The following AR variants were observed in gnomAD, a reference collection of about 807,000 sequenced individuals.
AR encodes the protein dihydrotestosterone receptor.
AR carries 8 observed loss-of-function variants against 53.9 expected under a neutral mutation model. The ratio of observed to expected loss-of-function variants is 0.15; its 90% confidence interval spans 0.09 to 0.27. The LOEUF (loss-of-function observed/expected upper bound fraction) is 0.27. Among genes scored for constraint, AR ranks in the 10% least tolerant of loss-of-function variants. AR has a pLI of 1.00. For synonymous variants in AR, 359 were observed against 316.4 expected, an observed-to-expected ratio of 1.13 and a Z score of -1.43; for missense variants, 639 against 742.5, an observed-to-expected ratio of 0.86 and a Z score of 1.62.
chrX:67,568,583 G>T (rs1446075457), intron 1 of AR, among the ~76,000 whole-genome samples: 1 of 111,599 alleles, frequency 9.0e-6, no homozygotes, highest in Non-Finnish European at 1.9e-5. Flanking sequence ...GTGGGAATAT[G>T]TACCAGCCCC....
intron 1 of AR, among the ~76,000 whole-genome samples, chrX:67,551,997 C>T (rs1402694398): frequency 8.9e-6 from 1 of 111,824 alleles, no homozygotes; most frequent in East Asian, 2.8e-4. Flanking sequence ...TTACTTAGTA[C>T]CTAAGTTTTA....
In AR at chrX:67,546,468, C is replaced by A. The variant is rs1402160048; in HGVS notation, c.1322C>A (p.Ala441Asp). 1 of 1,175,218 alleles carries A rather than the reference C, an allele frequency of 8.5e-7. No individual in the cohort carries two copies. Among genetic ancestry groups the A allele is most frequent in the Admixed American group, 2.4e-5 (1 of 41,620 alleles). ...TCATCCTGGCACACTCTCTTCACAG[C>A]CGAAGAAGGCCAGTTGTATGGACCG... ...ASSSWHTLFT[A>D]EEGQLYGPCG... is the part of the protein sequence containing the mutation. Residue 441 changes from alanine to aspartate, a missense_variant, in exon 1 of 8, where the codon GCC becomes GAC. Around this residue, in one of 5 missense-constraint regions of AR, gnomAD observed 423 missense variants for 377.0 expected, o/e 1.12. Coordinates refer to ENST00000374690, the MANE Select transcript of AR (RefSeq NM_000044.6).
intron 1 of AR, among the ~76,000 whole-genome samples, chrX:67,611,598 G>T (rs1158142824): frequency 1.8e-5 from 2 of 111,359 alleles, no homozygotes; most frequent in Non-Finnish European, 3.8e-5. Flanking sequence ...TGACTTTAGA[G>T]TTTGGAGATC....
chrX:67,622,201 A>G (rs1173461447), intron 1 of AR, among the ~76,000 whole-genome samples: 1 of 112,025 alleles, frequency 8.9e-6, no homozygotes, highest in Non-Finnish European at 1.9e-5. Context: ...TTCTTTAGCA[A>G]TGGATTCCAG....
chrX:67,668,120 G>GT (rs1466976074), intron 2 of AR, among the ~76,000 whole-genome samples: 24 of 111,926 alleles, frequency 2.1e-4, no homozygotes, highest in African/African-American at 7.8e-4. Flanking sequence ...AGTGGGGAAA[G>GT]TTAACATCCT....
rs1174118356 is a variant in AR, at chrX:67,610,094, A to G, written c.1617-33162A>G. On this transcript the variant is annotated intron_variant, in intron 1 of 7. Transcript: ENST00000374690. The stretch of plus-strand genomic sequence containing the variant: ...AATTGGCTGTCCTTGTACTTAGGGC[A>G]CATCTAAAAATCCTGAGGCAACCAC... Among the ~76,000 whole-genome samples the G allele has an allele frequency of 9.0e-5, 10 of 111,486 alleles. No homozygotes were observed. In the Admixed American group the frequency reaches 9.6e-4, roughly 11 times the overall value.
At chrX:67,713,041 C>T (rs1298060834) in intron 4 of AR, among the ~76,000 whole-genome samples, 1 of 111,844 alleles carries the variant, frequency 8.9e-6, no homozygotes, top group Non-Finnish European at 1.9e-5. Flanking sequence ...CAGGTTCTCT[C>T]CTGATTCCAA....
intron 5 of AR, among the ~76,000 whole-genome samples, chrX:67,720,346 C>G (rs1250612893): frequency 9.2e-6 from 1 of 108,560 alleles, no homozygotes; most frequent in African/African-American, 3.4e-5. Context: ...CTTTCCCCTT[C>G]TCTTTCCTCC....
At chrX:67,578,928 A>G (rs899935702) in intron 1 of AR, among the ~76,000 whole-genome samples, 7 of 112,196 alleles carry the variant, frequency 6.2e-5, no homozygotes, top group African/African-American at 2.3e-4. Context: ...ATTTCTTGTA[A>G]TAATAATCTC....
At chrX:67,702,525 A>C (rs1446195003) in intron 3 of AR, among the ~76,000 whole-genome samples, 1 of 112,055 alleles carries the variant, frequency 8.9e-6, no homozygotes, top group African/African-American at 3.2e-5. Flanking sequence ...GTGGCTATGC[A>C]TATCTCCTTA....
Position 67,668,762 on chromosome X carries a change from A to G in AR, c.1769-17248A>G, listed in dbSNP as rs1048411024. Among the ~76,000 whole-genome samples, 15 of 110,846 alleles carry G rather than the reference A, an allele frequency of 1.4e-4. No individual in the cohort carries two copies. The Admixed American group carries it at 1.4e-3, about 10-fold the overall frequency. On this transcript the variant is annotated intron_variant, in intron 2 of 7. Transcript: ENST00000374690. The stretch of plus-strand genomic sequence containing the variant: ...TGTTATTGGTCTGTTCAGGCTTTAG[A>G]TTTTTTTCATGAATCAATCTTCACA...
Position 67,723,810 on chromosome X carries a change from A to C in AR, c.2732A>C (p.Lys911Thr). The C allele has an allele frequency of 8.3e-7, 1 of 1,210,656 alleles. No homozygotes were observed. The highest frequency in any genetic ancestry group is 1.8e-5 in the South Asian group (1 of 56,905). ...SVQVPKILSG[K>T]VKPIYFHTQ The stretch of plus-strand genomic sequence containing the variant: ...CAAGTGCCCAAGATCCTTTCTGGGA[A>C]AGTCAAGCCCATCTATTTCCACACC... Residue 911 changes from lysine to threonine, a missense_variant, in exon 8 of 8, where the codon AAA becomes ACA. By Grantham distance (78) the Lys-to-Thr change is moderately conservative. Coordinates refer to ENST00000374690, the MANE Select transcript of AR (RefSeq NM_000044.6).
At chrX:67,689,781 C>T (rs1374453704) in intron 3 of AR, 11 of 774,460 alleles carry the variant, frequency 1.4e-5, no homozygotes, top group Non-Finnish European at 1.7e-5. Flanking sequence ...AAAAAAAGTC[C>T]AAATGAGGAC....
rs753426757 is a variant in AR at position 67,683,905 on chromosome X, A to G, written c.1769-2105A>G. Among the ~76,000 whole-genome samples the G allele has an allele frequency of 2.7e-5, 3 of 111,209 alleles. No homozygotes were observed. In the South Asian group the frequency reaches 1.1e-3, roughly 42 times the overall value. On this transcript the variant is annotated intron_variant, in intron 2 of 7. Transcript: ENST00000374690. Reference sequence around the variant, plus strand: ...AAAAAAAAAATCATGCTTTTCCGCTATAACCTCTCTCATTCACAGAGTGAT... The same window carrying G: ...AAAAAAAAAATCATGCTTTTCCGCTGTAACCTCTCTCATTCACAGAGTGAT...
intron 2 of AR, among the ~76,000 whole-genome samples, chrX:67,681,214 G>T (rs953949229): frequency 9.0e-6 from 1 of 111,183 alleles, no homozygotes; most frequent in South Asian, 3.8e-4. Context: ...CAAACAACTG[G>T]GTATAATGTT....
At chrX:67,608,614 G>C (rs751971836) in intron 1 of AR, among the ~76,000 whole-genome samples, 14 of 111,888 alleles carry the variant, frequency 1.3e-4, no homozygotes, top group African/African-American at 4.2e-4. Flanking sequence ...TGTAACATGA[G>C]TTGAAATTCA....
At chrX:67,567,683 G>A (rs1420827190) in intron 1 of AR, among the ~76,000 whole-genome samples, 1 of 111,732 alleles carries the variant, frequency 8.9e-6, no homozygotes, top group African/African-American at 3.3e-5. Flanking sequence ...CAGACTTTGT[G>A]GGTTACTATC....
chrX:67,582,926 T>C (rs1405962429), intron 1 of AR, among the ~76,000 whole-genome samples: 2 of 111,646 alleles, frequency 1.8e-5, no homozygotes, highest in African/African-American at 3.3e-5. Context: ...ATGGAGATAA[T>C]TTGGAAGAAA....
At chrX:67,670,347 G>T (rs907368559) in intron 2 of AR, among the ~76,000 whole-genome samples, 3 of 95,127 alleles carry the variant, frequency 3.2e-5, no homozygotes, top group Non-Finnish European at 4.1e-5. Context: ...AATAATAATT[G>T]TTCTTATTAA....
Sources: gnomAD v4.1 joint callset for allele counts (sites outside exome capture counted in the v4.1 genomes callset) on GRCh38, gnomAD v4.1.1 for gene constraint, gnomAD v4.1.1 regional missense constraint, MANE v1.5 for transcripts, NCBI Gene and HGNC (gene_info 2026-07-23, HGNC 2026-07-21) for gene names.